The following PSMG4 variants were observed in gnomAD, a reference collection of about 807,000 sequenced individuals.
The protein encoded by PSMG4 is proteasome assembly chaperone 4, also known as proteasome (prosome, macropain) assembly chaperone 4.
In PSMG4, 10 loss-of-function variants were observed where a neutral mutation model predicts 11.0. The observed-to-expected ratio is 0.91, with a 90% confidence interval of 0.56 to 1.54. PSMG4 has a LOEUF of 1.54. PSMG4 is among the 40% of genes most tolerant of loss of function. The probability of loss-of-function intolerance (pLI) is 0.00; values close to 1 mark genes in which losing one functional copy is unlikely to be tolerated. For missense variants in PSMG4, 198 were observed against 160.9 expected (o/e 1.23, Z -1.25); for synonymous variants, 95 against 71.3 (o/e 1.33, Z -1.68).
chr6:3,263,480 C>T (rs1226102951), intron 1 of PSMG4, among the ~76,000 whole-genome samples: 1 of 152,226 alleles, frequency 6.6e-6, no homozygotes, highest in Non-Finnish European at 1.5e-5. Context: ...TCATCTTTCC[C>T]AACTCCGCTG....
At chr6:3,265,226 C>T (rs1271419395) in intron 2 of PSMG4, 1 of 152,202 alleles carries the variant, frequency 6.6e-6, no homozygotes, top group Non-Finnish European at 1.5e-5. Flanking sequence ...GAAGGTTTTC[C>T]AGCAAAGTCC....
At chr6:3,254,475 A>G (rs1375662502), upstream of PSMG4, among the ~76,000 whole-genome samples, 3 of 151,588 alleles carry the variant, frequency 2.0e-5, no homozygotes, top group South Asian at 2.1e-4. Flanking sequence ...CTTTTTAGAT[A>G]AATATTGTTG....
At chr6:3,263,607 AG>A in intron 1 of PSMG4, 76 bp from the exon 2 acceptor site, 4 of 1,263,192 alleles carry the variant, frequency 3.2e-6, no homozygotes, top group Non-Finnish European at 4.3e-6. Flanking sequence ...GTGAAGAATC[AG>A]AAGCCCGGAA....
intron 2 of PSMG4, 102 bp from the exon 3 acceptor site, chr6:3,267,489 C>T (rs1030070692): frequency 3.6e-6 from 5 of 1,372,014 alleles, no homozygotes; most frequent in East Asian, 2.6e-5. Flanking sequence ...TCCCTACAAC[C>T]CCATCCTCTT....
At chr6:3,254,688 CAG>C (rs1491551288), upstream of PSMG4, among the ~76,000 whole-genome samples, 4 of 152,098 alleles carry the variant, frequency 2.6e-5, no homozygotes, top group Non-Finnish European at 5.9e-5. Flanking sequence ...CTAAACTCAA[CAG>C]AAAGAAGCTG....
rs1204327378 is a variant in PSMG4, at chr6:3,260,296, T to A, written c.174+1100T>A. Among the ~76,000 whole-genome samples the A allele has an allele frequency of 4.5e-4, 60 of 134,542 alleles. No individual in the cohort carries two copies. In the Middle Eastern group the frequency reaches 0.011, roughly 24 times the overall value. The allele number at this position is 134,542 out of a possible 152,430, so 88.3% of individuals were successfully genotyped here. ...TAAATTGTATATATATATATATTTT[T>A]TTTTTTTTTTTTTGAAGCAAAGTCT... On this transcript the variant is annotated intron_variant, in intron 1 of 2. Coordinates refer to ENST00000438998, the MANE Select transcript of PSMG4 (RefSeq NM_001128591.2).
At chr6:3,261,465 G>A (rs1389797036) in intron 1 of PSMG4, among the ~76,000 whole-genome samples, 3 of 152,200 alleles carry the variant, frequency 2.0e-5, no homozygotes, top group African/African-American at 7.2e-5. Context: ...AAGTTTGGAA[G>A]AAGTAGGCTC....
upstream of PSMG4, among the ~76,000 whole-genome samples, chr6:3,255,869 GT>G (rs35855978): frequency 0.74 from 112,273 of 151,928 alleles, 42,824 homozygotes; most frequent in Non-Finnish European, 0.84. Flanking sequence ...AATGCAAATT[GT>G]TTTGTCTTCC....
upstream of PSMG4, among the ~76,000 whole-genome samples, chr6:3,256,148 T>C (rs537603240): frequency 6.6e-6 from 1 of 152,352 alleles, no homozygotes; most frequent in Non-Finnish European, 1.5e-5. Flanking sequence ...GATGGAATAC[T>C]GTTTTTGACA....
chr6:3,262,444 TTG>T (rs1394454276), intron 1 of PSMG4, among the ~76,000 whole-genome samples: 1 of 152,218 alleles, frequency 6.6e-6, no homozygotes, highest in Non-Finnish European at 1.5e-5. Context: ...TAAGATATTT[TTG>T]TATCGTTTTT....
At chr6:3,260,291 A>ATATATATATTT in intron 1 of PSMG4, among the ~76,000 whole-genome samples, 6 of 70,842 alleles carry the variant, frequency 8.5e-5, no homozygotes, top group African/African-American at 3.3e-4. Context: ...ATATATATAT[A>ATATATATATTT]TTTTTTTTTT....
chr6:3,260,287 A>ATTTTTTTTT (rs1429987705), intron 1 of PSMG4, among the ~76,000 whole-genome samples: 1 of 10,754 alleles, frequency 9.3e-5, no homozygotes, highest in Non-Finnish European at 2.1e-4. Context: ...GTATATATAT[A>ATTTTTTTTT]TATATTTTTT....
chr6:3,254,957 T>C, upstream of PSMG4: 2 of 1,379,556 alleles, frequency 1.4e-6, no homozygotes, highest in Non-Finnish European at 2.0e-6. Context: ...TGTTGGGTGT[T>C]GCAGAGCATG....
upstream of PSMG4, chr6:3,254,905 C>G (rs535021183): frequency 1.7e-5 from 15 of 869,320 alleles, no homozygotes; most frequent in Non-Finnish European, 2.6e-5. Flanking sequence ...AGTGAATGAT[C>G]TCTGAGCTGG....
chr6:3,264,243 T>G (rs1758101350), intron 2 of PSMG4: 2 of 1,551,450 alleles, frequency 1.3e-6, no homozygotes, highest in Non-Finnish European at 1.7e-6. Flanking sequence ...CCTGTGAGTG[T>G]GGCGTAGAGT....
At chr6:3,255,279 G>A (rs757458398), upstream of PSMG4, 487 of 1,539,370 alleles carry the variant, frequency 3.2e-4, no homozygotes, top group Non-Finnish European at 3.8e-4. Context: ...TGTCTTACGG[G>A]TCTATCGGTG....
upstream of PSMG4, chr6:3,255,215 G>C: frequency 6.5e-7 from 1 of 1,550,066 alleles, no homozygotes; most frequent in South Asian, 1.2e-5. Flanking sequence ...GGCAGCAGGA[G>C]CAAAATCAAC....
rs142841773 is a variant in PSMG4, at chr6:3,263,866, C to T, written c.250+107C>T. On this transcript the variant is annotated intron_variant, in intron 2 of 2. Coordinates refer to ENST00000438998, the MANE Select transcript of PSMG4 (RefSeq NM_001128591.2). ...AGTAAAGCATCTTTATGCTAAGAAC[C>T]ATCACCTCATTGCTGCTGGGAAGCA... The T allele has an allele frequency of 3.9e-3, 5,848 of 1,487,580 alleles. 9 individuals carry two copies. The highest frequency in any genetic ancestry group is 4.5e-3 in the Non-Finnish European group (4,990 of 1,113,176). 92.1% of individuals were successfully genotyped at this position (1,487,580 alleles called of 1,614,324 possible). A position where few individuals can be genotyped will look rare whatever the true frequency, so the allele number is the denominator to read the frequency against.
upstream of PSMG4, among the ~76,000 whole-genome samples, chr6:3,258,546 G>T (rs190294201): frequency 3.2e-4 from 49 of 152,316 alleles, no homozygotes; most frequent in African/African-American, 1.1e-3. Flanking sequence ...TTAAAAATCA[G>T]TCTTTTTAAA....
Sources: gnomAD v4.1 joint callset for allele counts (sites outside exome capture counted in the v4.1 genomes callset) on GRCh38, gnomAD v4.1.1 for gene constraint, MANE v1.5 for transcripts, NCBI Gene and HGNC (gene_info 2026-07-23, HGNC 2026-07-21) for gene names.